Variants in CDH13 observed in about 807,000 individuals in gnomAD.
CDH13 encodes cadherin-13.
In CDH13, 24 loss-of-function variants were observed where a neutral mutation model predicts 63.8. That is an observed-to-expected ratio of 0.38 (90% CI 0.27 to 0.53). CDH13 has a LOEUF of 0.53. CDH13 is among the 20% of genes least tolerant of loss of function. The probability of loss-of-function intolerance (pLI) is 0.85; values close to 1 mark genes in which losing one functional copy is unlikely to be tolerated. For synonymous variants in CDH13, 503 were observed against 355.3 expected (o/e 1.42, Z -4.67); for missense variants, 1,049 against 903.1 (o/e 1.16, Z -2.07).
intron 3 of CDH13, among the ~76,000 whole-genome samples, chr16:83,044,794 C>G (rs187887887): frequency 2.4e-4 from 37 of 152,282 alleles, no homozygotes; most frequent in African/African-American, 8.4e-4. Flanking sequence ...CATCCACAGG[C>G]TTTCCCAAGT....
intron 4 of CDH13, among the ~76,000 whole-genome samples, chr16:83,131,201 C>A (rs972540376): frequency 7.6e-6 from 1 of 132,104 alleles, no homozygotes; most frequent in African/African-American, 2.9e-5. Context: ...CCCCCCCCCC[C>A]GCCCACAGAC....
At chr16:83,577,460 T>C (rs1905165268) in intron 7 of CDH13, among the ~76,000 whole-genome samples, 1 of 152,244 alleles carries the variant, frequency 6.6e-6, no homozygotes, top group Non-Finnish European at 1.5e-5. Flanking sequence ...TGCTCAGACC[T>C]GCACACTGAC....
chr16:83,795,220 C>G lies in CDH13; in HGVS notation c.*190C>G. ...CATCATTTTGACAGCATCTTCCTCC[C>G]TCCTTTAATTAATGGAATCTTCTGA... On this transcript the variant is annotated 3_prime_UTR_variant, in exon 14 of 14. Transcript: ENST00000567109. 1.8e-6 allele frequency: 1 copy of G among 540,616 alleles called. No individual in the cohort carries two copies. The highest frequency in any genetic ancestry group is 1.9e-5 in the African/African-American group (1 of 52,564). The allele number at this position is 540,616 out of a possible 1,614,324, so 33.5% of individuals were successfully genotyped here.
At chr16:83,662,951 T>A (rs747653066) in intron 8 of CDH13, among the ~76,000 whole-genome samples, 3 of 152,324 alleles carry the variant, frequency 2.0e-5, no homozygotes, top group African/African-American at 4.8e-5. Context: ...TCTTTTGTCT[T>A]TGAGTCCCAG....
At chr16:83,724,818 T>C (rs1020862827) in intron 10 of CDH13, among the ~76,000 whole-genome samples, 1 of 152,172 alleles carries the variant, frequency 6.6e-6, no homozygotes, top group South Asian at 2.1e-4. Flanking sequence ...GGGGCTATAT[T>C]GTAACCTGCA....
At chr16:83,410,851 T>G (rs1454201214) in intron 6 of CDH13, among the ~76,000 whole-genome samples, 1 of 152,128 alleles carries the variant, frequency 6.6e-6, no homozygotes, top group Admixed American at 6.5e-5. Flanking sequence ...ACTGCCAAAT[T>G]TAGTCATCCA....
intron 10 of CDH13, among the ~76,000 whole-genome samples, chr16:83,685,027 G>A (rs1255523484): frequency 1.3e-5 from 2 of 152,114 alleles, no homozygotes; most frequent in Non-Finnish European, 2.9e-5. Context: ...GGTCTGTTAT[G>A]GTTGCTAGTG....
At chr16:83,132,732 C>T (rs182359844) in intron 4 of CDH13, among the ~76,000 whole-genome samples, 3 of 152,178 alleles carry the variant, frequency 2.0e-5, no homozygotes, top group East Asian at 3.9e-4. Flanking sequence ...TTAATTTCCC[C>T]CTTTTAAGGC....
At chr16:83,520,745 C>G (rs1186217991) in intron 7 of CDH13, among the ~76,000 whole-genome samples, 1 of 152,082 alleles carries the variant, frequency 6.6e-6, no homozygotes, top group African/African-American at 2.4e-5. Context: ...ATTTTAGAGC[C>G]AGAACAGGAC....
At chr16:83,535,852 G>C (rs2075173215) in intron 7 of CDH13, among the ~76,000 whole-genome samples, 1 of 149,778 alleles carries the variant, frequency 6.7e-6, no homozygotes, top group Non-Finnish European at 1.5e-5. Context: ...AGGGAGGGAG[G>C]GAGGGAAGGA....
chr16:83,418,449 G>A (rs2071617261), intron 6 of CDH13, among the ~76,000 whole-genome samples: 1 of 152,048 alleles, frequency 6.6e-6, no homozygotes, highest in African/African-American at 2.4e-5. Context: ...CCTCTTAAAG[G>A]AAAAATAAAA....
At chr16:83,188,894 A>C (rs1232001112) in intron 4 of CDH13, among the ~76,000 whole-genome samples, 2 of 152,110 alleles carry the variant, frequency 1.3e-5, no homozygotes, top group Admixed American at 1.3e-4. Context: ...CATCACTGAC[A>C]AAGATATTGG....
chr16:82,663,648 C>G (rs1195375405), intron 1 of CDH13, among the ~76,000 whole-genome samples: 1 of 152,212 alleles, frequency 6.6e-6, no homozygotes, highest in Non-Finnish European at 1.5e-5. Flanking sequence ...AGACATCACT[C>G]TCTTGTGAAG....
chr16:82,939,386 G>C lies in CDH13; in HGVS notation c.157+80913G>C, dbSNP rs539728318. ...TGCAGTGAGCTGAGATGGCACCATT[G>C]CACTCCAGCCTGGGTGACAGAGTAA... On this transcript the variant is annotated intron_variant, in intron 2 of 13. Coordinates refer to ENST00000567109, the MANE Select transcript of CDH13 (RefSeq NM_001257.5). Among the ~76,000 whole-genome samples, 9 of 148,876 alleles carry C rather than the reference G, an allele frequency of 6.0e-5. No individual in the cohort carries two copies. The South Asian group carries it at 2.0e-3, about 32-fold the overall frequency.
At chr16:83,355,506 C>T (rs1486967879) in intron 6 of CDH13, among the ~76,000 whole-genome samples, 1 of 152,176 alleles carries the variant, frequency 6.6e-6, no homozygotes, top group Non-Finnish European at 1.5e-5. Context: ...CAATAAATTC[C>T]ACTGGATGAA....
chr16:83,015,444 G>C (rs72794175), intron 2 of CDH13, among the ~76,000 whole-genome samples: 18,154 of 151,050 alleles, frequency 0.12, 1,346 homozygotes, highest in East Asian at 0.22. Flanking sequence ...ATTCTTTTCT[G>C]CCTGATATCT....
At chr16:82,683,970 C>T (rs1914811754) in intron 1 of CDH13, among the ~76,000 whole-genome samples, 1 of 152,224 alleles carries the variant, frequency 6.6e-6, no homozygotes, top group Non-Finnish European at 1.5e-5. Flanking sequence ...CTAGTCTCCT[C>T]TTTTATTAAA....
chr16:82,960,126 G>A (rs1906747934), intron 2 of CDH13, among the ~76,000 whole-genome samples: 1 of 152,182 alleles, frequency 6.6e-6, no homozygotes, highest in Non-Finnish European at 1.5e-5. Flanking sequence ...GGCAAATGCA[G>A]AAGCAGGGAG....
chr16:83,171,416 A>G (rs955406526), intron 4 of CDH13: 88 of 941,636 alleles, frequency 9.3e-5, no homozygotes, highest in Non-Finnish European at 1.8e-5. Flanking sequence ...ACAGTTGAAC[A>G]TGAGATTTGG....
Sources: gnomAD v4.1 joint callset for allele counts (sites outside exome capture counted in the v4.1 genomes callset) on GRCh38, gnomAD v4.1.1 for gene constraint, MANE v1.5 for transcripts, NCBI Gene and HGNC (gene_info 2026-07-23, HGNC 2026-07-21) for gene names.